Variants in RASGEF1A observed in about 807,000 individuals in gnomAD.
RASGEF1A encodes ras-GEF domain-containing family member 1A.
In RASGEF1A, 18 loss-of-function variants were observed where a neutral mutation model predicts 56.4. That is an observed-to-expected ratio of 0.32 (90% CI 0.22 to 0.47). RASGEF1A has a LOEUF of 0.47. RASGEF1A is among the 20% of genes least tolerant of loss of function. RASGEF1A has a pLI of 1.00. For missense variants in RASGEF1A, 422 were observed against 627.1 expected (o/e 0.67, Z 3.49); for synonymous variants, 245 against 242.6 (o/e 1.01, Z -0.09).
Position 43,198,150 on chromosome 10 carries a change from G to A in RASGEF1A, c.1078C>T (p.Leu360=), listed in dbSNP as rs778952586. The A allele has an allele frequency of 2.5e-6, 4 of 1,613,940 alleles. No individual in the cohort carries two copies. In the Admixed American group the frequency reaches 6.7e-5, roughly 27 times the overall value. ...SSNFCNYRTA[L]QGATQRSQMA... ...TGGGACCTCTGCGTGGCCCCCTGCA[G>A]GGCTGTACGGTAGTTGCAGAAGTTG... The change falls in exon 10 of 13, where the codon CTG becomes TTG. Residue 360 remains leucine (L), a synonymous_variant. Transcript: ENST00000395810.
chr10:43,249,372 G>A (rs1409497741), intron 1 of RASGEF1A, among the ~76,000 whole-genome samples: 3 of 152,192 alleles, frequency 2.0e-5, no homozygotes, highest in Non-Finnish European at 2.9e-5. Flanking sequence ...GGGTTGCAGG[G>A]CCCCCACTCC....
At chr10:43,246,907 A>G (rs1840572418) in intron 1 of RASGEF1A, among the ~76,000 whole-genome samples, 1 of 152,254 alleles carries the variant, frequency 6.6e-6, no homozygotes, top group Admixed American at 6.5e-5. Flanking sequence ...TCAAATTTTA[A>G]AAGAGATAAA....
intron 1 of RASGEF1A, among the ~76,000 whole-genome samples, chr10:43,250,048 C>T (rs1840609322): frequency 6.6e-6 from 1 of 152,240 alleles, no homozygotes; most frequent in Admixed American, 6.5e-5. Flanking sequence ...TGTCTCCCAC[C>T]GAGGGAGCTG....
intron 1 of RASGEF1A, among the ~76,000 whole-genome samples, chr10:43,210,467 C>G (rs1840050847): frequency 6.6e-6 from 1 of 152,210 alleles, no homozygotes; most frequent in Non-Finnish European, 1.5e-5. Context: ...GAGCCAGACC[C>G]TGCCTCAATC....
chr10:43,217,379 A>G (rs7073629), intron 1 of RASGEF1A, among the ~76,000 whole-genome samples: 2 of 152,176 alleles, frequency 1.3e-5, no homozygotes, highest in African/African-American at 4.8e-5. Flanking sequence ...CCAGGGCTAC[A>G]GTGCTCTCTC....
rs753783840 is a variant in RASGEF1A at position 43,201,761 on chromosome 10, C to T, written c.459+47G>A. On this transcript the variant is annotated intron_variant, in intron 4 of 12. Coordinates refer to ENST00000395810, the MANE Select transcript of RASGEF1A (RefSeq NM_145313.4). ...AGCCCCCACCCTCCCGAGGGCAGAC[C>T]CTGGCACACACCCAAAGACCCTGGC... 1.1e-5 allele frequency: 17 copies of T among 1,505,196 alleles called. No homozygotes were observed. The South Asian group carries it at 2.2e-4, about 19-fold the overall frequency. The allele number at this position is 1,505,196 out of a possible 1,614,324, so 93.2% of individuals were successfully genotyped here. A position where few individuals can be genotyped will look rare whatever the true frequency, so the allele number is the denominator to read the frequency against.
rs987983072 is a variant in RASGEF1A, at chr10:43,229,902, C to T, written c.-6-23780G>A. Among the ~76,000 whole-genome samples, 7 of 151,998 alleles carry T rather than the reference C, an allele frequency of 4.6e-5. No individual in the cohort carries two copies. The East Asian group carries it at 1.4e-3, about 30-fold the overall frequency. On this transcript the variant is annotated intron_variant, in intron 1 of 12. Coordinates refer to ENST00000395810, the MANE Select transcript of RASGEF1A (RefSeq NM_145313.4). ...GGCGGGGCCGAGGCTAGGAGCATGG[C>T]GCGGAGGTGGGGCAGGGACCCGGGG...
Position 43,195,331 on chromosome 10 carries a change from G to A in RASGEF1A, c.*913C>T, listed in dbSNP as rs557775310. On this transcript the variant is annotated 3_prime_UTR_variant, in exon 13 of 13. Transcript: ENST00000395810. This position sits in a 1 kb window ranked among gnomAD's most constrained non-coding sequence, Gnocchi z 4.2. ...ATTTTCTGTTTCCAATTCCAATTAG[G>A]GCGCTGCCTACCCAGGTGGGAAGAG... 2 of 152,198 alleles carry A rather than the reference G, an allele frequency of 1.3e-5. No individual in the cohort carries two copies. Among genetic ancestry groups the A allele is most frequent in the Admixed American group, 6.6e-5 (1 of 15,266 alleles). The allele number at this position is 152,198 out of a possible 1,614,324, so 9.4% of individuals were successfully genotyped here.
chr10:43,225,282 T>A (rs1337678739), intron 1 of RASGEF1A, among the ~76,000 whole-genome samples: 15 of 137,930 alleles, frequency 1.1e-4, no homozygotes, highest in Non-Finnish European at 2.0e-4. Context: ...TGTGTCTGTG[T>A]GTTTCTGTGT....
chr10:43,207,835 C>G, intron 1 of RASGEF1A: 1 of 559,772 alleles, frequency 1.8e-6, no homozygotes, highest in Non-Finnish European at 2.3e-6. Context: ...TGAGCCAATC[C>G]TTCATTTTTC....
chr10:43,225,433 CTGTA>C (rs1336082192), intron 1 of RASGEF1A, among the ~76,000 whole-genome samples: 2 of 150,050 alleles, frequency 1.3e-5, no homozygotes, highest in South Asian at 2.1e-4. Context: ...GTCTGTGTCT[CTGTA>C]TGTGTCTGTG....
intron 1 of RASGEF1A, among the ~76,000 whole-genome samples, chr10:43,237,830 G>A (rs1368217088): frequency 6.6e-6 from 1 of 152,192 alleles, no homozygotes; most frequent in African/African-American, 2.4e-5. Context: ...ATAGACCACA[G>A]AGCTTCTCTG....
Position 43,236,872 on chromosome 10 carries a change from G to A in RASGEF1A, c.-7+29973C>T, listed in dbSNP as rs142050791. Reference sequence around the variant, plus strand: ...ACACCTGAGATCACCTGGTGTGTAGGGGACAAGGGGGGGATGCTTAGGACC... The same window carrying A: ...ACACCTGAGATCACCTGGTGTGTAGAGGACAAGGGGGGGATGCTTAGGACC... On this transcript the variant is annotated intron_variant, in intron 1 of 12. Transcript: ENST00000395810. 9.6e-3 allele frequency among the ~76,000 whole-genome samples: 1,467 copies of A among 152,278 alleles called. 12 individuals carry two copies. Among genetic ancestry groups the A allele is most frequent in the Admixed American group, 0.013 (205 of 15,296 alleles).
intron 10 of RASGEF1A, 123 bp from the exon 11 acceptor site, chr10:43,197,222 G>A: frequency 6.0e-6 from 7 of 1,175,022 alleles, no homozygotes; most frequent in Middle Eastern, 2.2e-4. Flanking sequence ...AGCAAGATGG[G>A]ACAGTGGCCC....
In RASGEF1A at chr10:43,246,101, C is replaced by G. The variant is rs111964102; in HGVS notation, c.-7+20744G>C. On this transcript the variant is annotated intron_variant, in intron 1 of 12. Coordinates refer to ENST00000395810, the MANE Select transcript of RASGEF1A (RefSeq NM_145313.4). ...GGATACAAGATCAATATATGAAAAT[C>G]AATTGTAATTCTATATGGTAGTAAT... Among the ~76,000 whole-genome samples, 756 of 152,064 alleles carry G rather than the reference C, an allele frequency of 5.0e-3. 4 individuals are homozygous for G. The highest frequency in any genetic ancestry group is 0.017 in the African/African-American group (705 of 41,492).
intron 1 of RASGEF1A, among the ~76,000 whole-genome samples, chr10:43,215,767 T>C (rs1840128560): frequency 6.6e-6 from 1 of 152,112 alleles, no homozygotes; most frequent in Non-Finnish European, 1.5e-5. Flanking sequence ...GCCTGTGTGG[T>C]GCCACGCACA....
At chr10:43,210,253 C>T (rs993389015) in intron 1 of RASGEF1A, among the ~76,000 whole-genome samples, 1 of 152,176 alleles carries the variant, frequency 6.6e-6, no homozygotes, top group African/African-American at 2.4e-5. Flanking sequence ...GGATGGATCG[C>T]TTGAACTCAG....
In RASGEF1A at chr10:43,201,813, C is replaced by T; in HGVS notation, c.454G>A (p.Asp152Asn). The T allele has an allele frequency of 6.3e-7, 1 of 1,594,792 alleles. No individual in the cohort carries two copies. The highest frequency in any genetic ancestry group is 8.6e-7 in the Non-Finnish European group (1 of 1,166,256). ...AGAGCCCAGGGAGCACTCACCTCAT[C>T]ACACTGGGTGACACGGTGTGTGATG... is the stretch of plus-strand genomic sequence containing the variant. Reference protein sequence around the residue: ...KAITHRVTQCDEENGTVKKAI... With the variant: ...KAITHRVTQCNEENGTVKKAI... The change falls in exon 4 of 13, where the codon GAT becomes AAT. Residue 152 changes from aspartate (D) to asparagine (N), a missense_variant. Asp to Asn is a conservative substitution (Grantham distance 23, BLOSUM62 1). Around this residue, in one of 2 missense-constraint regions of RASGEF1A, gnomAD observed 273 missense variants for 339.9 expected, o/e 0.80. Coordinates refer to ENST00000395810, the MANE Select transcript of RASGEF1A (RefSeq NM_145313.4).
At chr10:43,258,450 C>T (rs1309522758) in intron 1 of RASGEF1A, among the ~76,000 whole-genome samples, 3 of 152,232 alleles carry the variant, frequency 2.0e-5, no homozygotes, top group Non-Finnish European at 4.4e-5. Flanking sequence ...CTTTCATGGC[C>T]AACCCAGTGC....
Sources: gnomAD v4.1 joint callset for allele counts (sites outside exome capture counted in the v4.1 genomes callset) on GRCh38, gnomAD v4.1.1 for gene constraint, gnomAD v4.1.1 regional missense constraint, Gnocchi (gnomAD v3.1) non-coding constraint, MANE v1.5 for transcripts, NCBI Gene and HGNC (gene_info 2026-07-23, HGNC 2026-07-21) for gene names.